Variants in SH3KBP1 observed in about 807,000 individuals in gnomAD.
SH3KBP1 encodes the protein SH3 domain containing kinase binding protein 1.
SH3KBP1 carries 8 observed loss-of-function variants against 50.1 expected under a neutral mutation model. The observed-to-expected ratio is 0.16, with a 90% CI of 0.09 to 0.29. The LOEUF (loss-of-function observed/expected upper bound fraction) is 0.29. Among genes scored for constraint, SH3KBP1 ranks in the 10% least tolerant of loss-of-function variants. The probability of loss-of-function intolerance (pLI) is 1.00; values close to 1 mark genes in which losing one functional copy is unlikely to be tolerated. For missense variants in SH3KBP1, 377 were observed against 535.2 expected, an observed-to-expected ratio of 0.70 and a Z score of 2.92; for synonymous variants, 227 against 218.6, an observed-to-expected ratio of 1.04 and a Z score of -0.34.
intron 2 of SH3KBP1, among the ~76,000 whole-genome samples, chrX:19,822,277 C>T (rs2067551992): frequency 8.9e-6 from 1 of 111,979 alleles, no homozygotes; most frequent in African/African-American, 3.2e-5. Flanking sequence ...ACCTTCTTTT[C>T]TCCTTCTGGA....
At chrX:19,698,883 T>TTGAATGAA (rs770021813) in intron 4 of SH3KBP1, among the ~76,000 whole-genome samples, 56 of 110,255 alleles carry the variant, frequency 5.1e-4, no homozygotes, top group African/African-American at 1.4e-3. Context: ...GCCTCACACA[T>TTGAATGAA]TGAATGAATG....
chrX:19,654,462 G>A (rs745669156), intron 6 of SH3KBP1, among the ~76,000 whole-genome samples: 1 of 111,422 alleles, frequency 9.0e-6, no homozygotes, highest in African/African-American at 3.3e-5. Context: ...CCCTCTAAAC[G>A]TCTGACAGTA....
intron 2 of SH3KBP1, among the ~76,000 whole-genome samples, chrX:19,750,206 G>T (rs1420343158): frequency 9.0e-6 from 1 of 111,725 alleles, no homozygotes; most frequent in Admixed American, 9.5e-5. Flanking sequence ...TTACAGGCAC[G>T]TGCCACCTCA....
chrX:19,561,732 T>C (rs912877178), intron 13 of SH3KBP1, among the ~76,000 whole-genome samples: 1 of 111,702 alleles, frequency 9.0e-6, no homozygotes, highest in Non-Finnish European at 1.9e-5. Context: ...GATTATACCC[T>C]TTCCAGTAGG....
Position 19,886,047 on chromosome X carries a change from T to C in SH3KBP1, c.4+1260A>G, listed in dbSNP as rs763976268. 3.6e-5 allele frequency among the ~76,000 whole-genome samples: 4 copies of C among 110,936 alleles called. No individual in the cohort carries two copies. The South Asian group carries it at 1.5e-3, about 42-fold the overall frequency. On this transcript the variant is annotated intron_variant, in intron 1 of 17. Transcript: ENST00000397821. ...AAAAAAAAGGTGTTGTATGAGAAAATGGAACAGGAACCAATTTAGACTACA... is the reference window on the plus strand; with the variant it reads ...AAAAAAAAGGTGTTGTATGAGAAAACGGAACAGGAACCAATTTAGACTACA...
At chrX:19,699,399 AAC>A (rs765693098) in intron 4 of SH3KBP1, among the ~76,000 whole-genome samples, 1 of 112,804 alleles carries the variant, frequency 8.9e-6, no homozygotes, top group East Asian at 2.8e-4. Flanking sequence ...CCCACTCATA[AAC>A]AGTCTTCTGC....
intron 7 of SH3KBP1, among the ~76,000 whole-genome samples, chrX:19,642,347 T>A (rs1204716153): frequency 8.9e-6 from 1 of 111,828 alleles, no homozygotes; most frequent in Admixed American, 9.5e-5. Flanking sequence ...GTTCCATTTG[T>A]TGCCATCACA....
chrX:19,684,326 T>G (rs2063121537), intron 5 of SH3KBP1, among the ~76,000 whole-genome samples: 1 of 111,950 alleles, frequency 8.9e-6, no homozygotes. Context: ...GGAGCCTGGT[T>G]TTGATCCAAA....
chrX:19,707,636 A>G (rs920058983), intron 3 of SH3KBP1, among the ~76,000 whole-genome samples: 2 of 111,350 alleles, frequency 1.8e-5, no homozygotes, highest in Non-Finnish European at 3.8e-5. Flanking sequence ...AAGCCAGACA[A>G]ATCAAGATAA....
At chrX:19,691,338 C>CTG (rs2063284368) in intron 5 of SH3KBP1, among the ~76,000 whole-genome samples, 1 of 95,337 alleles carries the variant, frequency 1.0e-5, no homozygotes, top group East Asian at 3.0e-4. Context: ...CTCTCTCTCT[C>CTG]TCTCTCTCTC....
chrX:19,581,393 C>G (rs2066368114), intron 12 of SH3KBP1, among the ~76,000 whole-genome samples: 1 of 112,208 alleles, frequency 8.9e-6, no homozygotes, highest in South Asian at 3.6e-4. Flanking sequence ...CTGAGTAATC[C>G]CAATTCAAAA....
At chrX:19,686,742 T>A (rs1401301948) in intron 5 of SH3KBP1, among the ~76,000 whole-genome samples, 1 of 111,249 alleles carries the variant, frequency 9.0e-6, no homozygotes, top group Non-Finnish European at 1.9e-5. Flanking sequence ...GCTCTGGTGT[T>A]CATGTTTCAA....
chrX:19,588,577 GT>G, intron 12 of SH3KBP1, 65 bp downstream of exon 12: 1 of 1,209,847 alleles, frequency 8.3e-7, no homozygotes, highest in Non-Finnish European at 1.1e-6. Context: ...GTGGCAGTCA[GT>G]TCCCCTCCTG....
At position 19,597,614 on chromosome X, in the gene SH3KBP1, T is replaced by C. The variant is rs142703442; in HGVS notation, c.1006-2614A>G. On this transcript the variant is annotated intron_variant, in intron 9 of 17. Transcript: ENST00000397821. ...TTTTATTATTTGTAGAGATGGAGTC[T>C]TGCTATGTTGCCCAGGCTGGTCTCA... Among the ~76,000 whole-genome samples, 44 of 111,731 alleles carry C rather than the reference T, an allele frequency of 3.9e-4. No homozygotes were observed. The East Asian group carries it at 0.012, about 31-fold the overall frequency.
intron 2 of SH3KBP1, among the ~76,000 whole-genome samples, chrX:19,757,335 A>G (rs1213988544): frequency 9.1e-6 from 1 of 110,016 alleles, no homozygotes; most frequent in African/African-American, 3.3e-5. Context: ...ACCCACAAGG[A>G]AATTCCTAGT....
At chrX:19,772,710 T>C (rs1215181573) in intron 2 of SH3KBP1, among the ~76,000 whole-genome samples, 1 of 111,302 alleles carries the variant, frequency 9.0e-6, no homozygotes, top group Non-Finnish European at 1.9e-5. Context: ...ACAAATGTAA[T>C]GCAAAGTGAA....
At chrX:19,703,709 T>C (rs1190699287) in intron 4 of SH3KBP1, among the ~76,000 whole-genome samples, 1 of 77,467 alleles carries the variant, frequency 1.3e-5, no homozygotes, top group Non-Finnish European at 2.3e-5. Context: ...TGTGTGTGTG[T>C]GTGTGTGTGT....
intron 8 of SH3KBP1, among the ~76,000 whole-genome samples, chrX:19,615,460 GC>G (rs1291911007): frequency 8.9e-6 from 1 of 111,905 alleles, no homozygotes; most frequent in African/African-American, 3.3e-5. Flanking sequence ...GCCTCAGCAT[GC>G]CCCCAGAGGG....
At chrX:19,566,946 A>G (rs2065859477) in intron 13 of SH3KBP1, among the ~76,000 whole-genome samples, 1 of 111,375 alleles carries the variant, frequency 9.0e-6, no homozygotes, top group Non-Finnish European at 1.9e-5. Context: ...ACAGAGGGAC[A>G]GCAGCAGGAG....
Sources: gnomAD v4.1 joint callset for allele counts (sites outside exome capture counted in the v4.1 genomes callset) on GRCh38, gnomAD v4.1.1 for gene constraint, MANE v1.5 for transcripts, NCBI Gene and HGNC (gene_info 2026-07-23, HGNC 2026-07-21) for gene names.